PKP1: variants seen among roughly 807,000 people sequenced by gnomAD.
The protein encoded by PKP1 is plakophilin-1.
Under a neutral mutation model 76.4 loss-of-function variants are expected in PKP1, and 27 were observed. The ratio of observed to expected loss-of-function variants is 0.35; its 90% CI spans 0.26 to 0.49. The LOEUF (loss-of-function observed/expected upper bound fraction) is 0.49. Ranked by LOEUF, PKP1 falls within the 20% of genes least tolerant of loss-of-function variation. PKP1 has a pLI of 0.99. For missense variants in PKP1, 964 were observed against 955.2 expected (o/e 1.01, Z -0.12); for synonymous variants, 404 against 384.2 (o/e 1.05, Z -0.60).
rs1553276648 is a variant in PKP1 at position 201,332,612 on chromosome 1, C to CCCACCCTGACCT, written c.*2571_*2572insCCACCCTGACCT. The CCCACCCTGACCT allele has an allele frequency of 3.2e-4, 48 of 152,338 alleles. No individual in the cohort carries two copies. Among genetic ancestry groups the CCCACCCTGACCT allele is most frequent in the Middle Eastern group, 3.4e-3 (1 of 294 alleles). The allele number at this position is 152,338 out of a possible 1,614,324, so 9.4% of individuals were successfully genotyped here. A position where few individuals can be genotyped will look rare whatever the true frequency, so the allele number is the denominator to read the frequency against. ...AATGAGGAAGGACACAGACTCTGCC[C>CCCACCCTGACCT]TGGGATCTCCTGTGCTAGCGGCCAA... On this transcript the variant is annotated 3_prime_UTR_variant, in exon 14 of 14. Coordinates refer to ENST00000367324, the MANE Select transcript of PKP1 (RefSeq NM_001005337.3).
chr1:201,306,615 C>T (rs1045477417), intron 2 of PKP1, among the ~76,000 whole-genome samples: 2 of 152,194 alleles, frequency 1.3e-5, no homozygotes, highest in Admixed American at 6.5e-5. Context: ...ATAAGGGATA[C>T]TGACCATTAT....
chr1:201,316,735 G>C lies in PKP1; in HGVS notation c.846+38G>C, dbSNP rs765607529. 4.3e-6 allele frequency: 7 copies of C among 1,610,980 alleles called. No individual in the cohort carries two copies. In the East Asian group the frequency reaches 1.6e-4, roughly 36 times the overall value. ...ATACCTTCCTCCTTGGTGGGCCTGC[G>C]GAGGGCCTGGGTGTGTCAGCCTGAC... On this transcript the variant is annotated intron_variant, in intron 4 of 13. Transcript: ENST00000367324.
chr1:201,323,810 G>A (rs1474860650), intron 9 of PKP1, among the ~76,000 whole-genome samples: 1 of 152,112 alleles, frequency 6.6e-6, no homozygotes, highest in African/African-American at 2.4e-5. Context: ...GAGGAGAGAG[G>A]CTGGGCAGTT....
chr1:201,290,581 C>T (rs1241263920), intron 1 of PKP1, among the ~76,000 whole-genome samples: 3 of 152,146 alleles, frequency 2.0e-5, no homozygotes, highest in Non-Finnish European at 4.4e-5. Flanking sequence ...ACCCCACTCA[C>T]CAGGGACCTC....
At chr1:201,303,486 C>T (rs188085739) in intron 2 of PKP1, among the ~76,000 whole-genome samples, 101 of 152,312 alleles carry the variant, frequency 6.6e-4, no homozygotes, top group African/African-American at 2.3e-3. Context: ...TGACAAAAAC[C>T]GGTATCTTTT....
chr1:201,323,742 G>A (rs941114226), intron 9 of PKP1, among the ~76,000 whole-genome samples: 28 of 152,182 alleles, frequency 1.8e-4, no homozygotes, highest in African/African-American at 6.8e-4. Flanking sequence ...CTTAGGAAAA[G>A]GGAACCGAGC....
At chr1:201,293,067 G>A (rs943840469) in intron 1 of PKP1, among the ~76,000 whole-genome samples, 1 of 152,182 alleles carries the variant, frequency 6.6e-6, no homozygotes, top group Non-Finnish European at 1.5e-5. Flanking sequence ...AGGAGGGAAG[G>A]CAGGTTTGGC....
At chr1:201,313,706 G>A (rs1656638483) in intron 3 of PKP1, 146 bp downstream of exon 3, 1 of 870,394 alleles carries the variant, frequency 1.1e-6, no homozygotes, top group African/African-American at 1.7e-5. Flanking sequence ...CTGGTGTAAT[G>A]GACTCCCTAA....
At chr1:201,316,145 C>CGGACGGACGGACGGATGGAT (rs1558191677) in intron 3 of PKP1, 1 of 115,330 alleles carries the variant, frequency 8.7e-6, no homozygotes, top group African/African-American at 5.6e-5. Context: ...GACGGATGGA[C>CGGACGGACGGACGGATGGAT]GGACGGATGG....
intron 2 of PKP1, among the ~76,000 whole-genome samples, chr1:201,312,820 G>A (rs561069859): frequency 7.0e-4 from 106 of 152,124 alleles, no homozygotes; most frequent in Non-Finnish European, 1.2e-3. Context: ...GGTATGTCAC[G>A]TATGTTGCAA....
chr1:201,297,822 C>T (rs1019990830), intron 2 of PKP1, among the ~76,000 whole-genome samples: 4 of 152,176 alleles, frequency 2.6e-5, no homozygotes, highest in Non-Finnish European at 5.9e-5. Flanking sequence ...GGGGAGTCAG[C>T]CTAGCTCAAA....
At position 201,322,124 on chromosome 1, in the gene PKP1, C is replaced by T; in HGVS notation, c.1494C>T (p.Asp498=). 6.2e-7 allele frequency: 1 copy of T among 1,611,470 alleles called. No homozygotes were observed. The highest frequency in any genetic ancestry group is 8.5e-7 in the Non-Finnish European group (1 of 1,179,956). The stretch of plus-strand genomic sequence containing the variant: ...CTGGCTGCTTCAGCAACAAGAGCGA[C>T]AAGATGATGGTGAGCACAGCATCAG... The part of the protein sequence containing the change: ...SSTGCFSNKS[D]KMMNNNYDCP... The change falls in exon 8 of 14, where the codon GAC becomes GAT. Residue 498 remains aspartate, a synonymous_variant. Coordinates refer to ENST00000367324, the MANE Select transcript of PKP1 (RefSeq NM_001005337.3).
rs1656845898 is a variant in PKP1 at position 201,318,683 on chromosome 1, G to A, written c.1120G>A (p.Val374Ile). The change falls in exon 6 of 14, where the codon GTT becomes ATT. Residue 374 changes from valine (V) to isoleucine (I), a missense_variant. Transcript: ENST00000367324. ...KEELIADALP[V>I]LADRVIIPFS... Reference sequence around the variant, plus strand: ...GGAACTCATTGCCGACGCCCTGCCTGTTCTGGCCGACCGCGTCATCATTCC... The same window carrying A: ...GGAACTCATTGCCGACGCCCTGCCTATTCTGGCCGACCGCGTCATCATTCC... The A allele has an allele frequency of 8.1e-6, 13 of 1,612,420 alleles. No individual in the cohort carries two copies. The highest frequency in any genetic ancestry group is 1.1e-5 in the Non-Finnish European group (13 of 1,179,952).
intron 1 of PKP1, among the ~76,000 whole-genome samples, chr1:201,288,834 A>T (rs1655815315): frequency 6.6e-6 from 1 of 152,094 alleles, no homozygotes. Context: ...CTGCTGAAAG[A>T]GCAGCAGGAT....
rs201749145 is a variant in PKP1 at position 201,316,601 on chromosome 1, T to C, written c.750T>C (p.Ala250=). Residue 250 remains alanine, a synonymous_variant, in exon 4 of 14, where the codon GCT becomes GCC. Transcript: ENST00000367324. Reference sequence around the variant, plus strand: ...GCAGTGGGCTGACCATCCCCAAGGCTGTGCAGTACCTGAGCTCCCAGGATG... The same window carrying C: ...GCAGTGGGCTGACCATCCCCAAGGCCGTGCAGTACCTGAGCTCCCAGGATG... ...IECSGLTIPK[A]VQYLSSQDEK... The C allele has an allele frequency of 5.6e-6, 9 of 1,612,606 alleles. No homozygotes were observed. In the East Asian group the frequency reaches 2.0e-4, roughly 36 times the overall value.
intron 1 of PKP1, among the ~76,000 whole-genome samples, chr1:201,291,952 C>T (rs959931245): frequency 8.5e-5 from 13 of 152,156 alleles, no homozygotes; most frequent in African/African-American, 2.2e-4. Context: ...GCCAGAGGAG[C>T]GGTTGCTGGA....
chr1:201,324,000 G>T (rs926348189), intron 9 of PKP1, among the ~76,000 whole-genome samples: 1 of 152,288 alleles, frequency 6.6e-6, no homozygotes, highest in South Asian at 2.1e-4. Context: ...TTCTAAAGAG[G>T]TAGGAAAGTT....
chr1:201,305,827 A>G (rs778012218), intron 2 of PKP1, among the ~76,000 whole-genome samples: 73 of 152,234 alleles, frequency 4.8e-4, no homozygotes, highest in Middle Eastern at 6.8e-3. Flanking sequence ...GAGTTATTTC[A>G]TATCAGAACG....
chr1:201,321,931 G>A (rs755375420), intron 7 of PKP1, 47 bp from the exon 8 acceptor site: 2 of 1,611,096 alleles, frequency 1.2e-6, no homozygotes, highest in Non-Finnish European at 1.7e-6. Context: ...CCAGGAGCCT[G>A]TCGGGCCGGG....
Sources: allele counts gnomAD v4.1 joint callset (sites outside exome capture counted in the v4.1 genomes callset), GRCh38; gene constraint gnomAD v4.1.1; transcripts MANE v1.5; gene names NCBI Gene and HGNC (gene_info 2026-07-23, HGNC 2026-07-21).